Variants in ZNF8 observed in about 807,000 individuals in gnomAD.
The protein encoded by ZNF8 is zinc finger protein 8, also known as zinc finger protein 272.
ZNF8 carries 9 observed loss-of-function variants against 12.2 expected under a neutral mutation model. That is an observed-to-expected ratio of 0.73 (90% confidence interval 0.44 to 1.28). The LOEUF (loss-of-function observed/expected upper bound fraction) is 1.28. ZNF8 is among the 50% of genes most tolerant of loss of function. The pLI, the probability that ZNF8 is intolerant of heterozygous loss-of-function variation, is 0.00. For synonymous variants in ZNF8, 274 were observed against 282.3 expected (o/e 0.97, Z 0.30); for missense variants, 664 against 729.1 (o/e 0.91, Z 1.03).
At position 58,279,101 on chromosome 19, in the gene ZNF8, G is replaced by T; in HGVS notation, c.20G>T (p.Gly7Val). 6.5e-7 allele frequency: 1 copy of T among 1,544,032 alleles called. No individual in the cohort carries two copies. Among genetic ancestry groups the T allele is most frequent in the East Asian group, 2.4e-5 (1 of 41,950 alleles). The part of the protein sequence containing the change: MDPEDE[G>V]VAGVMSVGPP... ...TCCAGCATGGACCCCGAGGACGAAG[G>T]GGTAGCGGGAGTGATGTCTGTGGGG... is the stretch of plus-strand genomic sequence containing the variant. The change falls in exon 1 of 4, where the codon GGG becomes GTG. Residue 7 changes from glycine (G) to valine (V), a missense_variant. Gly to Val is a moderately radical substitution (Grantham distance 109). Transcript: ENST00000621650.
At position 58,287,677 on chromosome 19, in the gene ZNF8, C is replaced by T. The variant is rs1056386994; in HGVS notation, c.289+1472C>T. On this transcript the variant is annotated intron_variant, in intron 3 of 3. Coordinates refer to ENST00000621650, the MANE Select transcript of ZNF8 (RefSeq NM_021089.3). The stretch of plus-strand genomic sequence containing the variant: ...TTTTTTTTTTGAGACAGTCTCACTC[C>T]GTTGCACAGGCTGGAGTACAGTTGC... Among the ~76,000 whole-genome samples, 15 of 138,304 alleles carry T rather than the reference C, an allele frequency of 1.1e-4. No individual in the cohort carries two copies. In the South Asian group the frequency reaches 1.5e-3, roughly 13 times the overall value. The allele number at this position is 138,304 out of a possible 152,430, so 90.7% of individuals were successfully genotyped here. A position where few individuals can be genotyped will look rare whatever the true frequency, so the allele number is the denominator to read the frequency against.
Position 58,294,130 on chromosome 19 carries a change from C to T in ZNF8, c.322C>T (p.Arg108Cys), listed in dbSNP as rs141665519. The change falls in exon 4 of 4, where the codon CGC (arginine) becomes TGC (cysteine). Residue 108 changes from arginine to cysteine, a missense_variant. This residue lies in a region of ZNF8 where 306 missense variants were observed against 308.7 expected (regional missense o/e 0.99). Transcript: ENST00000621650. This position sits in a 1 kb window ranked among gnomAD's most constrained non-coding sequence, Gnocchi z 5.5. ...GCCTCGATCTGAAAGCCAAGCATCACGCAAGGAAGAGGGCCTGCCTGAAGA... is the reference window on the plus strand; with the variant it reads ...GCCTCGATCTGAAAGCCAAGCATCATGCAAGGAAGAGGGCCTGCCTGAAGA... ...WEPRSESQASRKEEGLPEEEP... is the reference protein window; with the variant it reads ...WEPRSESQASCKEEGLPEEEP... 5.4e-4 allele frequency: 873 copies of T among 1,606,164 alleles called. 3 individuals carry two copies. Among genetic ancestry groups the T allele is most frequent in the South Asian group, 8.0e-4 (73 of 90,900 alleles).
chr19:58,287,231 G>GGTTTTGCC (rs1271661922), intron 3 of ZNF8, among the ~76,000 whole-genome samples: 1 of 151,856 alleles, frequency 6.6e-6, no homozygotes, highest in Non-Finnish European at 1.5e-5. Flanking sequence ...GTAGAGATGG[G>GGTTTTGCC]ATTTTGCCAT....
Position 58,302,656 on chromosome 19 carries a change from G to C in ZNF8, c.*7120G>C, listed in dbSNP as rs1251269469. ...GTTTTCTCAAAGGGGGCATTGGAGGGGTTCTTATACATTTACAGTGGGAAT... is the reference window on the plus strand; with the variant it reads ...GTTTTCTCAAAGGGGGCATTGGAGGCGTTCTTATACATTTACAGTGGGAAT... On this transcript the variant is annotated 3_prime_UTR_variant, in exon 4 of 4. Transcript: ENST00000621650. 2 of 152,148 alleles carry C rather than the reference G, an allele frequency of 1.3e-5. No homozygotes were observed. The highest frequency in any genetic ancestry group is 1.3e-4 in the Admixed American group (2 of 15,276). The allele number at this position is 152,148 out of a possible 1,614,324, so 9.4% of individuals were successfully genotyped here.
intron 3 of ZNF8, among the ~76,000 whole-genome samples, chr19:58,288,551 C>A (rs534232008): frequency 2.6e-5 from 4 of 152,276 alleles, no homozygotes; most frequent in Non-Finnish European, 4.4e-5. Flanking sequence ...CTTGCACTGA[C>A]CCTAGTTGCT....
chr19:58,286,485 G>A (rs73568679), intron 3 of ZNF8: 3,451 of 326,926 alleles, frequency 0.011, 114 homozygotes, highest in African/African-American at 0.062. Context: ...CAGCACTCAG[G>A]TGTGACACCT....
At chr19:58,282,603 G>C (rs1396643875) in intron 1 of ZNF8, among the ~76,000 whole-genome samples, 1 of 151,794 alleles carries the variant, frequency 6.6e-6, no homozygotes, top group African/African-American at 2.4e-5. Flanking sequence ...GAGTTTTATA[G>C]TTTTAGCTCT....
intron 1 of ZNF8, 26 bp downstream of exon 1, chr19:58,279,173 C>A: frequency 6.5e-7 from 1 of 1,547,100 alleles, no homozygotes; most frequent in Non-Finnish European, 8.7e-7. Flanking sequence ...ATAACGACGG[C>A]GGCGGGCTCC....
chr19:58,294,016 T>C lies in ZNF8; in HGVS notation c.290-82T>C. 7.7e-7 allele frequency: 1 copy of C among 1,304,712 alleles called. No individual in the cohort carries two copies. Among genetic ancestry groups the C allele is most frequent in the Non-Finnish European group, 1.1e-6 (1 of 943,802 alleles). 80.8% of individuals were successfully genotyped at this position (1,304,712 alleles called of 1,614,324 possible). On this transcript the variant is annotated intron_variant, in intron 3 of 3. Coordinates refer to ENST00000621650, the MANE Select transcript of ZNF8 (RefSeq NM_021089.3). This position sits in a 1 kb window ranked among gnomAD's most constrained non-coding sequence, Gnocchi z 5.5. Reference sequence around the variant, plus strand: ...GCAGCTGGTTAGGACCCCATTTCAATATCAGGCCTATGGTGTTGGAGGCCT... The same window carrying C: ...GCAGCTGGTTAGGACCCCATTTCAACATCAGGCCTATGGTGTTGGAGGCCT...
chr19:58,279,468 A>G, intron 1 of ZNF8: 3 of 1,459,144 alleles, frequency 2.1e-6, no homozygotes, highest in Non-Finnish European at 2.7e-6. Flanking sequence ...ACCCTTGCCC[A>G]TTCCAGGAAG....
Position 58,301,006 on chromosome 19 carries a change from C to T in ZNF8, c.*5470C>T, listed in dbSNP as rs1168073289. ...GGGGTCCTAGAGTCCACCTTGTGCT[C>T]CACGCCCTCCCCAGGTGTCATCTAC... is the stretch of plus-strand genomic sequence containing the variant. On this transcript the variant is annotated 3_prime_UTR_variant, in exon 4 of 4. Coordinates refer to ENST00000621650, the MANE Select transcript of ZNF8 (RefSeq NM_021089.3). 2 of 152,394 alleles carry T rather than the reference C, an allele frequency of 1.3e-5. No individual in the cohort carries two copies. The highest frequency in any genetic ancestry group is 4.8e-5 in the African/African-American group (2 of 41,452). The allele number at this position is 152,394 out of a possible 1,614,324, so 9.4% of individuals were successfully genotyped here.
chr19:58,301,652 G>A lies in ZNF8; in HGVS notation c.*6116G>A, dbSNP rs191231042. 1 of 152,552 alleles carries A rather than the reference G, an allele frequency of 6.6e-6. No homozygotes were observed. Among genetic ancestry groups the A allele is most frequent in the Admixed American group, 6.5e-5 (1 of 15,294 alleles). 9.4% of individuals were successfully genotyped at this position (152,552 alleles called of 1,614,324 possible). A position where few individuals can be genotyped will look rare whatever the true frequency, so the allele number is the denominator to read the frequency against. On this transcript the variant is annotated 3_prime_UTR_variant, in exon 4 of 4. Coordinates refer to ENST00000621650, the MANE Select transcript of ZNF8 (RefSeq NM_021089.3). ...CCCCCAAAATGGCCAGTCCTGAAGG[G>A]GTCACAGTTGATACTTCTCTGAGGG... is the stretch of plus-strand genomic sequence containing the variant.
chr19:58,294,858 CAACCAG>C lies in ZNF8; in HGVS notation c.1054_1059del (p.Gln352_Asn353del). Reference sequence around the variant, plus strand: ...AGTGTCAGGACTGTGGGAGGGCCTTCAACCAGAACTCCTCCCTGGGGCGGCACAAGA... The same window carrying C: ...AGTGTCAGGACTGTGGGAGGGCCTTCAACTCCTCCCTGGGGCGGCACAAGA... On this transcript the variant is annotated inframe_deletion, in exon 4 of 4. Transcript: ENST00000621650. This position sits in a 1 kb window ranked among gnomAD's most constrained non-coding sequence, Gnocchi z 5.5. 1 of 1,614,118 alleles carries C rather than the reference CAACCAG, an allele frequency of 6.2e-7. No individual in the cohort carries two copies. Among genetic ancestry groups the C allele is most frequent in the Non-Finnish European group, 8.5e-7 (1 of 1,180,006 alleles).
At position 58,295,476 on chromosome 19, in the gene ZNF8, TG is replaced by T; in HGVS notation, c.1672del (p.Val558TrpfsTer31). 6.2e-7 allele frequency: 1 copy of T among 1,612,860 alleles called. No homozygotes were observed. The highest frequency in any genetic ancestry group is 8.5e-7 in the Non-Finnish European group (1 of 1,179,634). ...AAGAGAAAAACCCTGTGCACGTTAT[TG>T]GGGTGGAAGAGCCTTCTGTGGGTGC... is the stretch of plus-strand genomic sequence containing the variant. ...MQEKNPVHVI[G>X]VEEPSVGASM... On this transcript the variant is annotated frameshift_variant, in exon 4 of 4. Transcript: ENST00000621650. LOFTEE classifies it low-confidence loss of function (END_TRUNC).
rs371237014 is a variant in ZNF8, at chr19:58,285,722, A to G, written c.72A>G (p.Pro24=). The part of the protein sequence containing the change: ...VGPPAARLQE[P]VTFRDVAVDF... The stretch of plus-strand genomic sequence containing the variant: ...GAATGTGTGTGATGTTTCAGGAACC[A>G]GTGACCTTCCGGGATGTGGCTGTGG... Residue 24 remains proline (P), a synonymous_variant, in exon 2 of 4, where the codon CCA becomes CCG. Coordinates refer to ENST00000621650, the MANE Select transcript of ZNF8 (RefSeq NM_021089.3). 9.3e-6 allele frequency: 15 copies of G among 1,614,202 alleles called. No individual in the cohort carries two copies. The African/African-American group carries it at 1.3e-4, about 14-fold the overall frequency.
intron 1 of ZNF8, chr19:58,279,704 C>T (rs746179741): frequency 6.1e-5 from 93 of 1,526,168 alleles, no homozygotes; most frequent in Non-Finnish European, 8.1e-5. Flanking sequence ...TCGTCCCCTG[C>T]GAGACTGTGG....
At chr19:58,281,396 G>A (rs1170620986) in intron 1 of ZNF8, among the ~76,000 whole-genome samples, 2 of 152,188 alleles carry the variant, frequency 1.3e-5, no homozygotes, top group Non-Finnish European at 2.9e-5. Context: ...AGGGAAGGCT[G>A]CAGGGATCTG....
intron 1 of ZNF8, among the ~76,000 whole-genome samples, chr19:58,281,079 C>T (rs2051348212): frequency 6.6e-6 from 1 of 152,140 alleles, no homozygotes; most frequent in Non-Finnish European, 1.5e-5. Context: ...ACCTGGATAT[C>T]CTTGGAGGCC....
At chr19:58,291,358 T>C (rs1227522016) in intron 3 of ZNF8, among the ~76,000 whole-genome samples, 1 of 152,210 alleles carries the variant, frequency 6.6e-6, no homozygotes, top group African/African-American at 2.4e-5. Flanking sequence ...AGGCTGGAGT[T>C]GGAGCCTGTC....
Sources: allele counts gnomAD v4.1 joint callset (sites outside exome capture counted in the v4.1 genomes callset), GRCh38; gene constraint gnomAD v4.1.1; regional missense constraint gnomAD v4.1.1; non-coding constraint Gnocchi (gnomAD v3.1); transcripts MANE v1.5; gene names NCBI Gene and HGNC (gene_info 2026-07-23, HGNC 2026-07-21).